The following TEAD1 variants were observed in gnomAD, a reference collection of about 807,000 sequenced individuals.
TEAD1 encodes the protein transcriptional enhancer factor TEF-1.
In TEAD1, 9 loss-of-function variants were observed where a neutral mutation model predicts 54.9. The ratio of observed to expected loss-of-function variants is 0.16; its 90% CI spans 0.10 to 0.29. TEAD1 has a LOEUF of 0.29. Among genes scored for constraint, TEAD1 ranks in the 10% least tolerant of loss-of-function variants. The pLI is 1.00. For missense variants in TEAD1, 387 were observed against 535.9 expected, an observed-to-expected ratio of 0.72 and a Z score of 2.74; for synonymous variants, 200 against 187.8, an observed-to-expected ratio of 1.07 and a Z score of -0.53.
At chr11:12,839,420 C>CA (rs1442080301) in intron 3 of TEAD1, among the ~76,000 whole-genome samples, 3 of 145,476 alleles carry the variant, frequency 2.1e-5, no homozygotes, top group African/African-American at 5.7e-5. Flanking sequence ...CAAAACAAAA[C>CA]AAACAAACAA....
intron 3 of TEAD1, among the ~76,000 whole-genome samples, chr11:12,844,831 A>G (rs1220803221): frequency 6.6e-6 from 1 of 152,066 alleles, no homozygotes; most frequent in Non-Finnish European, 1.5e-5. Context: ...AGAGGAAACC[A>G]TTCTGAATGA....
At chr11:12,871,332 A>G (rs757744797) in intron 5 of TEAD1, among the ~76,000 whole-genome samples, 8 of 152,200 alleles carry the variant, frequency 5.3e-5, no homozygotes, top group Admixed American at 3.9e-4. Context: ...AAGCAGCAGC[A>G]TGTCTGAGGA....
At chr11:12,765,370 C>T (rs888125217) in intron 3 of TEAD1, among the ~76,000 whole-genome samples, 3 of 152,260 alleles carry the variant, frequency 2.0e-5, no homozygotes, top group Admixed American at 6.5e-5. Flanking sequence ...TGACAGAGTT[C>T]GCACTGTAGC....
chr11:12,929,204 GCT>G (rs1948966238), intron 11 of TEAD1, among the ~76,000 whole-genome samples: 4 of 139,042 alleles, frequency 2.9e-5, no homozygotes, highest in African/African-American at 9.0e-5. Context: ...GTGTGTGTCT[GCT>G]TTAGGGTTAT....
Position 12,875,007 on chromosome 11 carries a change from C to T in TEAD1, c.331-4701C>T, listed in dbSNP as rs145304465. ...TTATTCTTGCTCATATGCACACGCACGCACACATACACACTCAGAATATTT... is the reference window on the plus strand; with the variant it reads ...TTATTCTTGCTCATATGCACACGCATGCACACATACACACTCAGAATATTT... On this transcript the variant is annotated intron_variant, in intron 5 of 12. Coordinates refer to ENST00000527636, the MANE Select transcript of TEAD1 (RefSeq NM_021961.6). Among the ~76,000 whole-genome samples the T allele has an allele frequency of 2.4e-3, 371 of 152,312 alleles. 1 individual carries two copies. The highest frequency in any genetic ancestry group is 8.3e-3 in the African/African-American group (347 of 41,562).
chr11:12,885,183 T>C (rs979868256), intron 9 of TEAD1, among the ~76,000 whole-genome samples: 8 of 152,028 alleles, frequency 5.3e-5, no homozygotes, highest in Non-Finnish European at 8.8e-5. Context: ...ATTGTATCCT[T>C]TTCACTATCG....
intron 9 of TEAD1, among the ~76,000 whole-genome samples, chr11:12,884,490 C>CAATT (rs1168224494): frequency 6.6e-6 from 1 of 152,152 alleles, no homozygotes; most frequent in East Asian, 1.9e-4. Context: ...AGATGCTGAA[C>CAATT]AATTGGAGGT....
At chr11:12,774,912 G>A (rs1945387405) in intron 3 of TEAD1, among the ~76,000 whole-genome samples, 1 of 151,948 alleles carries the variant, frequency 6.6e-6, no homozygotes, top group Non-Finnish European at 1.5e-5. Context: ...GAAAAATAAC[G>A]AATGGGTACC....
At position 12,937,267 on chromosome 11, in the gene TEAD1, A is replaced by G. The variant is rs1949118779; in HGVS notation, c.*45A>G. The G allele has an allele frequency of 3.7e-6, 5 of 1,341,660 alleles. No homozygotes were observed. The highest frequency in any genetic ancestry group is 2.4e-5 in the South Asian group (2 of 83,566). The allele number at this position is 1,341,660 out of a possible 1,614,324, so 83.1% of individuals were successfully genotyped here. On this transcript the variant is annotated 3_prime_UTR_variant, in exon 13 of 13. Transcript: ENST00000527636. ...TAGATATCTGTATATACACACACAC[A>G]TATGTGCACACACACACTCTCTCTC... is the stretch of plus-strand genomic sequence containing the variant.
chr11:12,907,922 A>C (rs1948548134), intron 10 of TEAD1, among the ~76,000 whole-genome samples: 1 of 152,210 alleles, frequency 6.6e-6, no homozygotes, highest in South Asian at 2.1e-4. Context: ...ACTTAAATGG[A>C]AGCTAATGGT....
intron 3 of TEAD1, among the ~76,000 whole-genome samples, chr11:12,831,404 C>G (rs1176607081): frequency 6.6e-6 from 1 of 152,106 alleles, no homozygotes; most frequent in Admixed American, 6.5e-5. Context: ...AGTACATATT[C>G]CCCCCAAACT....
At chr11:12,855,267 CT>C (rs965320958) in intron 3 of TEAD1, among the ~76,000 whole-genome samples, 4 of 151,374 alleles carry the variant, frequency 2.6e-5, no homozygotes, top group South Asian at 2.1e-4. Flanking sequence ...TGCTTGCTTT[CT>C]TTTTTTTTCT....
intron 3 of TEAD1, among the ~76,000 whole-genome samples, chr11:12,802,775 C>CGGTAT (rs2133977791): frequency 6.6e-6 from 1 of 152,342 alleles, no homozygotes; most frequent in Non-Finnish European, 1.5e-5. Flanking sequence ...ATTGCTCACT[C>CGGTAT]GGAGATACCG....
At chr11:12,896,012 CA>C (rs1335330616) in intron 9 of TEAD1, among the ~76,000 whole-genome samples, 4 of 147,104 alleles carry the variant, frequency 2.7e-5, no homozygotes, top group African/African-American at 5.0e-5. Context: ...TCCTTTCAGT[CA>C]CCCTATGTGC....
chr11:12,941,665 T>C lies in TEAD1; in HGVS notation c.*4443T>C, dbSNP rs140655738. 149 of 152,770 alleles carry C rather than the reference T, an allele frequency of 9.8e-4. No homozygotes were observed. Among genetic ancestry groups the C allele is most frequent in the African/African-American group, 3.2e-3 (134 of 41,578 alleles). 9.5% of individuals were successfully genotyped at this position (152,770 alleles called of 1,614,324 possible). A position where few individuals can be genotyped will look rare whatever the true frequency, so the allele number is the denominator to read the frequency against. Reference sequence around the variant, plus strand: ...CATTAGGAGGATATGTCTGCATTGCTTATTTCTTTATGTTGGTGTTTCTGT... The same window carrying C: ...CATTAGGAGGATATGTCTGCATTGCCTATTTCTTTATGTTGGTGTTTCTGT... On this transcript the variant is annotated 3_prime_UTR_variant, in exon 13 of 13. Transcript: ENST00000527636.
chr11:12,728,615 T>C (rs1453699894), intron 2 of TEAD1, among the ~76,000 whole-genome samples: 1 of 152,202 alleles, frequency 6.6e-6, no homozygotes, highest in Non-Finnish European at 1.5e-5. Context: ...AGTCTTGTAA[T>C]AGCGGCAGAT....
chr11:12,877,051 T>C (rs1008704408), intron 5 of TEAD1, among the ~76,000 whole-genome samples: 1 of 151,996 alleles, frequency 6.6e-6, no homozygotes, highest in Admixed American at 6.5e-5. Flanking sequence ...GTTTCAAATC[T>C]TAAAAAAAAG....
chr11:12,919,121 A>G (rs1334097690), intron 10 of TEAD1, among the ~76,000 whole-genome samples: 1 of 152,196 alleles, frequency 6.6e-6, no homozygotes, highest in Non-Finnish European at 1.5e-5. Flanking sequence ...AATTTTATGT[A>G]AAACTGTTAA....
At chr11:12,784,727 T>C (rs1194912084) in intron 3 of TEAD1, among the ~76,000 whole-genome samples, 1 of 152,170 alleles carries the variant, frequency 6.6e-6, no homozygotes, top group Admixed American at 6.5e-5. Context: ...GGTGAGTTAA[T>C]GGGTCAGCCC....
Sources: allele counts gnomAD v4.1 joint callset (sites outside exome capture counted in the v4.1 genomes callset), GRCh38; gene constraint gnomAD v4.1.1; transcripts MANE v1.5; gene names NCBI Gene and HGNC (gene_info 2026-07-23, HGNC 2026-07-21).